Variants in PXT1 observed in about 807,000 individuals in gnomAD.
PXT1 encodes peroxisomal testis enriched protein 1.
A neutral mutation model predicts 11.0 loss-of-function variants in PXT1; 11 were observed. That is an observed-to-expected ratio of 1.00 (90% CI 0.63 to 1.66). The LOEUF (loss-of-function observed/expected upper bound fraction) is 1.66, where lower values mean the gene tolerates loss of function less well. Ranked by LOEUF, PXT1 falls within the 40% of genes most tolerant of loss-of-function variation. The pLI is 0.00. For synonymous variants in PXT1, 43 were observed against 51.4 expected (o/e 0.84, Z 0.70); for missense variants, 141 against 155.5 (o/e 0.91, Z 0.49).
intron 3 of PXT1, among the ~76,000 whole-genome samples, chr6:36,400,943 C>A (rs12195518): frequency 6.6e-6 from 1 of 151,684 alleles, no homozygotes; most frequent in South Asian, 2.1e-4. Context: ...GCACTCCAGT[C>A]TGGGTGACAA....
At chr6:36,413,546 C>G in intron 3 of PXT1, among the ~76,000 whole-genome samples, 1 of 152,132 alleles carries the variant, frequency 6.6e-6, no homozygotes, top group Non-Finnish European at 1.5e-5. Flanking sequence ...CTCTTTAAAA[C>G]CTTTGAGGAG....
At chr6:36,436,003 C>T (rs916220816) in intron 2 of PXT1, among the ~76,000 whole-genome samples, 7 of 147,448 alleles carry the variant, frequency 4.7e-5, no homozygotes, top group African/African-American at 1.8e-4. Context: ...TCCTGGAAAA[C>T]AAGACTGTGC....
At chr6:36,420,097 C>T (rs1381370321) in intron 3 of PXT1, among the ~76,000 whole-genome samples, 1 of 152,144 alleles carries the variant, frequency 6.6e-6, no homozygotes, top group Non-Finnish European at 1.5e-5. Flanking sequence ...AACATGTCAG[C>T]CACTGTTGTA....
chr6:36,410,144 G>GGAGA lies in PXT1; in HGVS notation c.170-9564_170-9561dup, dbSNP rs146278596. 3.4e-3 allele frequency among the ~76,000 whole-genome samples: 479 copies of GGAGA among 140,524 alleles called. 3 individuals are homozygous for GGAGA. The highest frequency in any genetic ancestry group is 0.011 in the African/African-American group (428 of 37,464). 92.2% of individuals were successfully genotyped at this position (140,524 alleles called of 152,430 possible). On this transcript the variant is annotated intron_variant, in intron 3 of 4. Transcript: ENST00000454782. Reference sequence around the variant, plus strand: ...TCGAGACCAGGAAGGAAGGAAGGAAGGAGAGAGAGAGAGAGAGAGAGAAAG... The same window carrying GGAGA: ...TCGAGACCAGGAAGGAAGGAAGGAAGGAGAGAGAGAGAGAGAGAGAGAGAGAAAG...
intron 3 of PXT1, among the ~76,000 whole-genome samples, chr6:36,407,353 C>CA (rs1482414853): frequency 6.6e-6 from 1 of 151,624 alleles, no homozygotes; most frequent in African/African-American, 2.4e-5. Context: ...ATATTGGAGG[C>CA]AAAAAAATTC....
At chr6:36,420,673 A>C (rs541735080) in intron 3 of PXT1, among the ~76,000 whole-genome samples, 10 of 152,360 alleles carry the variant, frequency 6.6e-5, no homozygotes, top group Admixed American at 3.3e-4. Context: ...TTAAGCAAAC[A>C]TATAGCACTT....
At chr6:36,406,810 CAAA>C (rs5875547) in intron 3 of PXT1, among the ~76,000 whole-genome samples, 25 of 131,858 alleles carry the variant, frequency 1.9e-4, no homozygotes, top group Admixed American at 3.1e-4. Context: ...GACTCCATTT[CAAA>C]AAAAAAAAAA....
chr6:36,418,314 C>T (rs570304627), intron 3 of PXT1, among the ~76,000 whole-genome samples: 3 of 152,192 alleles, frequency 2.0e-5, no homozygotes, highest in African/African-American at 4.8e-5. Context: ...TTAAGAATCA[C>T]GGATCTAGAA....
chr6:36,411,218 G>A (rs759161160), intron 3 of PXT1, among the ~76,000 whole-genome samples: 4 of 152,200 alleles, frequency 2.6e-5, no homozygotes, highest in Non-Finnish European at 5.9e-5. Flanking sequence ...GGGAGGCCAA[G>A]GTGGGTGGAT....
intron 4 of PXT1, among the ~76,000 whole-genome samples, chr6:36,395,780 G>T (rs761028825): frequency 6.6e-6 from 1 of 152,056 alleles, no homozygotes; most frequent in African/African-American, 2.4e-5. Context: ...CAGGCAGATT[G>T]CTTGAGCCCA....
chr6:36,397,240 C>T (rs1774156745), intron 4 of PXT1, among the ~76,000 whole-genome samples: 1 of 152,112 alleles, frequency 6.6e-6, no homozygotes. Flanking sequence ...CCCCAAAGAT[C>T]CCATAACACC....
intron 4 of PXT1, 74 bp downstream of exon 4, chr6:36,400,380 C>T: frequency 7.1e-6 from 11 of 1,545,206 alleles, no homozygotes; most frequent in Non-Finnish European, 9.8e-6. Context: ...GCATCTCAGA[C>T]ACTTGGCAGC....
chr6:36,427,619 A>G (rs991946983), intron 2 of PXT1, among the ~76,000 whole-genome samples: 1 of 152,222 alleles, frequency 6.6e-6, no homozygotes, highest in African/African-American at 2.4e-5. Flanking sequence ...TATTTAATCT[A>G]ATATATCCCC....
intron 2 of PXT1, among the ~76,000 whole-genome samples, chr6:36,429,834 A>G (rs1033769738): frequency 7.2e-6 from 1 of 139,664 alleles, no homozygotes. Flanking sequence ...TATATTTACG[A>G]AAGTTTTTAC....
chr6:36,395,836 C>CA (rs1157873326), intron 4 of PXT1, among the ~76,000 whole-genome samples: 4 of 151,770 alleles, frequency 2.6e-5, no homozygotes, highest in South Asian at 2.1e-4. Flanking sequence ...CCTGTCTCTA[C>CA]AAAAAAATAC....
chr6:36,442,370 A>G (rs1774886325), intron 1 of PXT1, among the ~76,000 whole-genome samples, 165 bp downstream of exon 1: 1 of 152,214 alleles, frequency 6.6e-6, no homozygotes, highest in Admixed American at 6.5e-5. Flanking sequence ...AGAAACCGTG[A>G]CAATAAGAAC....
At chr6:36,436,041 T>C (rs1212086470) in intron 2 of PXT1, among the ~76,000 whole-genome samples, 1 of 150,070 alleles carries the variant, frequency 6.7e-6, no homozygotes, top group East Asian at 1.9e-4. Flanking sequence ...AATAAACTGC[T>C]TAACAATGAT....
chr6:36,417,972 G>A (rs12181960), intron 3 of PXT1, among the ~76,000 whole-genome samples: 40,535 of 151,360 alleles, frequency 0.27, 5,461 homozygotes, highest in East Asian at 0.39. Flanking sequence ...TGAGGCGGGC[G>A]GATCACAAGG....
At chr6:36,406,484 A>G (rs1582253388) in intron 3 of PXT1, among the ~76,000 whole-genome samples, 1 of 152,162 alleles carries the variant, frequency 6.6e-6, no homozygotes, top group Non-Finnish European at 1.5e-5. Context: ...ATGTTGGCTA[A>G]TAAAGGAAAA....
Sources: gnomAD v4.1 joint callset for allele counts (sites outside exome capture counted in the v4.1 genomes callset) on GRCh38, gnomAD v4.1.1 for gene constraint, MANE v1.5 for transcripts, NCBI Gene and HGNC (gene_info 2026-07-23, HGNC 2026-07-21) for gene names.